Variants in TNFAIP8 observed in about 807,000 individuals in gnomAD.
TNFAIP8 encodes TNF alpha induced protein 8.
TNFAIP8 carries 7 observed loss-of-function variants against 13.3 expected under a neutral mutation model. The ratio of observed to expected loss-of-function variants is 0.52; its 90% CI spans 0.30 to 0.99. The LOEUF is 0.99. TNFAIP8 is among the 50% of genes least tolerant of loss of function. The pLI is 0.07. For missense variants in TNFAIP8, 258 were observed against 236.9 expected (o/e 1.09, Z -0.58); for synonymous variants, 94 against 87.6 (o/e 1.07, Z -0.41).
Position 119,393,212 on chromosome 5 carries a change from T to C in TNFAIP8, c.428T>C (p.Ile143Thr), listed in dbSNP as rs755144287. Residue 143 changes from isoleucine (I) to threonine (T), a missense_variant, in exon 2 of 2, where the codon ATT (isoleucine) becomes ACT (threonine). Coordinates refer to ENST00000504771, the MANE Select transcript of TNFAIP8 (RefSeq NM_014350.4). The part of the protein sequence containing the change: ...NECREMLHQI[I>T]QRHLTAKSHG... The stretch of plus-strand genomic sequence containing the variant: ...TGCAGAGAGATGCTGCACCAAATCA[T>C]TCAGCGCCACCTCACTGCCAAGTCA... 3.1e-6 allele frequency: 5 copies of C among 1,614,032 alleles called. No individual in the cohort carries two copies. Among genetic ancestry groups the C allele is most frequent in the Middle Eastern group, 1.6e-4 (1 of 6,062 alleles).
intron 1 of TNFAIP8, among the ~76,000 whole-genome samples, chr5:119,373,498 T>C (rs1030613213): frequency 2.6e-5 from 4 of 152,164 alleles, no homozygotes; most frequent in Non-Finnish European, 2.9e-5. Flanking sequence ...GAGTATGCAA[T>C]GTGGAAGACC....
intron 1 of TNFAIP8, among the ~76,000 whole-genome samples, chr5:119,385,895 T>C (rs73243205): frequency 0.011 from 1,734 of 152,358 alleles, 17 homozygotes; most frequent in African/African-American, 0.04. Flanking sequence ...AACACATCTA[T>C]GTGGTCCATG....
At chr5:119,292,685 T>TATATATATAC (rs1470227218) in intron 1 of TNFAIP8, among the ~76,000 whole-genome samples, 8 of 52,330 alleles carry the variant, frequency 1.5e-4, no homozygotes, top group African/African-American at 3.7e-4. Context: ...TATATATATA[T>TATATATATAC]ACACACACAC....
intron 1 of TNFAIP8, among the ~76,000 whole-genome samples, chr5:119,373,625 G>A (rs1752170678): frequency 6.6e-6 from 1 of 152,204 alleles, no homozygotes; most frequent in Non-Finnish European, 1.5e-5. Context: ...AGATCTTTGA[G>A]GCAGAACTGT....
At chr5:119,369,856 G>T (rs545375768) in intron 1 of TNFAIP8, among the ~76,000 whole-genome samples, 1 of 152,164 alleles carries the variant, frequency 6.6e-6, no homozygotes, top group Non-Finnish European at 1.5e-5. Context: ...CTGTTCTCAC[G>T]CCTAAAGTCA....
At chr5:119,291,709 C>A (rs1438462324) in intron 1 of TNFAIP8, among the ~76,000 whole-genome samples, 2 of 152,178 alleles carry the variant, frequency 1.3e-5, no homozygotes, top group African/African-American at 4.8e-5. Context: ...CCCTCTTATG[C>A]CCCTTAGTTT....
chr5:119,312,451 T>C (rs531965242), intron 1 of TNFAIP8, among the ~76,000 whole-genome samples: 30 of 152,220 alleles, frequency 2.0e-4, no homozygotes, highest in Non-Finnish European at 3.2e-4. Context: ...GAACATGTCT[T>C]ACTTTTTCAT....
At chr5:119,279,396 T>G (rs746195103) in intron 1 of TNFAIP8, among the ~76,000 whole-genome samples, 2 of 152,160 alleles carry the variant, frequency 1.3e-5, no homozygotes, top group Non-Finnish European at 2.9e-5. Context: ...TTCTTCACAT[T>G]TTGTTGTTTT....
chr5:119,311,385 A>C (rs923022932), intron 1 of TNFAIP8, among the ~76,000 whole-genome samples: 10 of 151,970 alleles, frequency 6.6e-5, no homozygotes, highest in African/African-American at 2.4e-4. Flanking sequence ...GAACAGTCAA[A>C]TAAATATTAA....
intron 1 of TNFAIP8, among the ~76,000 whole-genome samples, chr5:119,320,233 T>TG (rs1750015030): frequency 1.3e-5 from 2 of 152,196 alleles, no homozygotes; most frequent in East Asian, 3.8e-4. Flanking sequence ...ATCTGGCAGT[T>TG]GGGGAATTTC....
intron 1 of TNFAIP8, among the ~76,000 whole-genome samples, chr5:119,381,659 C>T (rs1250335540): frequency 1.3e-5 from 2 of 152,158 alleles, no homozygotes; most frequent in East Asian, 3.9e-4. Flanking sequence ...TGTGAGCAGT[C>T]CCAGGGTCCC....
intron 1 of TNFAIP8, among the ~76,000 whole-genome samples, chr5:119,270,341 A>G (rs1327069990): frequency 6.6e-6 from 1 of 152,262 alleles, no homozygotes; most frequent in Admixed American, 6.5e-5. Flanking sequence ...AAGGAAAGAA[A>G]TAATTATCAC....
At chr5:119,279,554 A>G (rs1022670691) in intron 1 of TNFAIP8, among the ~76,000 whole-genome samples, 1 of 151,968 alleles carries the variant, frequency 6.6e-6, no homozygotes, top group Non-Finnish European at 1.5e-5. Context: ...TTATTTTGTT[A>G]TTTTATTTTT....
chr5:119,318,197 T>G (rs1022789932), intron 1 of TNFAIP8, among the ~76,000 whole-genome samples: 2 of 152,212 alleles, frequency 1.3e-5, no homozygotes, highest in Admixed American at 6.5e-5. Flanking sequence ...AGGTGATTGA[T>G]TGACACTTCT....
intron 1 of TNFAIP8, among the ~76,000 whole-genome samples, chr5:119,279,522 A>C (rs565565681): frequency 1.3e-5 from 2 of 152,148 alleles, no homozygotes; most frequent in Non-Finnish European, 2.9e-5. Flanking sequence ...GTTCATTGCA[A>C]TTCTGGTAGA....
chr5:119,378,087 A>C (rs1752349737), intron 1 of TNFAIP8, among the ~76,000 whole-genome samples: 1 of 152,208 alleles, frequency 6.6e-6, no homozygotes, highest in Non-Finnish European at 1.5e-5. Context: ...ACACATGTTG[A>C]AGCTAAATTT....
At chr5:119,391,468 G>A (rs544733195) in intron 1 of TNFAIP8, 17 of 701,112 alleles carry the variant, frequency 2.4e-5, no homozygotes, top group African/African-American at 1.4e-4. Context: ...TAGGAGAAGC[G>A]AGAGAAATGG....
rs115720812 is a variant in TNFAIP8, at chr5:119,326,340, A to C, written c.1+57433A>C. Among the ~76,000 whole-genome samples, 766 of 152,318 alleles carry C rather than the reference A, an allele frequency of 5.0e-3. 9 individuals are homozygous for C. The highest frequency in any genetic ancestry group is 0.018 in the African/African-American group (750 of 41,562). On this transcript the variant is annotated intron_variant, in intron 1 of 1. Transcript: ENST00000274456. ...AGGAGTGGGAGCAGTGACTGGCTAC[A>C]GTGTCATGAAAGGCTCCATCTGAGC... is the stretch of plus-strand genomic sequence containing the variant.
chr5:119,273,451 GT>G (rs200781192), intron 1 of TNFAIP8, among the ~76,000 whole-genome samples: 9,653 of 152,268 alleles, frequency 0.063, 518 homozygotes, highest in African/African-American at 0.14. Flanking sequence ...CACAACTTCA[GT>G]GATTGCTAGC....
Sources: gnomAD v4.1 joint callset for allele counts (sites outside exome capture counted in the v4.1 genomes callset) on GRCh38, gnomAD v4.1.1 for gene constraint, MANE v1.5 for transcripts, NCBI Gene and HGNC (gene_info 2026-07-23, HGNC 2026-07-21) for gene names.